Variants in NFASC observed in about 807,000 individuals in gnomAD.
NFASC encodes the protein neurofascin, also known as neurofascin homolog.
In NFASC, 43 loss-of-function variants were observed where a neutral mutation model predicts 147.5. The observed-to-expected ratio is 0.29, with a 90% CI of 0.23 to 0.38. The LOEUF (loss-of-function observed/expected upper bound fraction) is 0.38. Ranked by LOEUF, NFASC falls within the 10% of genes least tolerant of loss-of-function variation. The pLI is 1.00. For synonymous variants in NFASC, 622 were observed against 665.5 expected, an observed-to-expected ratio of 0.93 and a Z score of 1.01; for missense variants, 1,320 against 1,689.0, an observed-to-expected ratio of 0.78 and a Z score of 3.83.
intron 1 of NFASC, among the ~76,000 whole-genome samples, chr1:204,903,644 C>A (rs1438031752): frequency 6.6e-6 from 1 of 152,208 alleles, no homozygotes; most frequent in Non-Finnish European, 1.5e-5. Flanking sequence ...CTGTGACTTA[C>A]CTGCTCCAGC....
At chr1:204,961,661 G>A (rs1043283590) in intron 8 of NFASC, among the ~76,000 whole-genome samples, 3 of 152,194 alleles carry the variant, frequency 2.0e-5, no homozygotes, top group Admixed American at 6.5e-5. Context: ...GCTCTTCCCC[G>A]GAGCTCACTA....
chr1:204,866,292 C>T (rs1326205955), intron 1 of NFASC, among the ~76,000 whole-genome samples: 1 of 152,104 alleles, frequency 6.6e-6, no homozygotes, highest in Non-Finnish European at 1.5e-5. Context: ...GTAGTGGGGG[C>T]AGAGAGGATG....
intron 1 of NFASC, among the ~76,000 whole-genome samples, chr1:204,886,440 A>G (rs938290453): frequency 2.0e-5 from 3 of 152,306 alleles, no homozygotes; most frequent in South Asian, 4.1e-4. Context: ...TTCCATAAAA[A>G]TGTGGCTTAC....
At chr1:204,874,807 G>A (rs1036235674) in intron 1 of NFASC, among the ~76,000 whole-genome samples, 5 of 152,128 alleles carry the variant, frequency 3.3e-5, no homozygotes, top group African/African-American at 4.8e-5. Flanking sequence ...TAATCACTTC[G>A]GAAAAGGAGA....
intron 29 of NFASC, among the ~76,000 whole-genome samples, chr1:205,014,494 T>C (rs1391744385): frequency 6.6e-6 from 1 of 152,184 alleles, no homozygotes; most frequent in Non-Finnish European, 1.5e-5. Context: ...CCGACCACCT[T>C]TCCCATGGGG....
chr1:204,988,467 T>C (rs536237341), intron 22 of NFASC, among the ~76,000 whole-genome samples, 166 bp from the exon 23 acceptor site: 4 of 152,382 alleles, frequency 2.6e-5, no homozygotes, highest in African/African-American at 7.2e-5. Context: ...GAGGGAGTTC[T>C]TGCCGAGTGT....
intron 24 of NFASC, chr1:204,993,821 C>T (rs768576904): frequency 1.2e-5 from 6 of 515,708 alleles, no homozygotes; most frequent in Admixed American, 2.0e-5. Context: ...TTCTCAGCTT[C>T]GTTGCTCTTC....
At chr1:204,862,689 CT>C (rs2076770974) in intron 1 of NFASC, among the ~76,000 whole-genome samples, 1 of 152,102 alleles carries the variant, frequency 6.6e-6, no homozygotes, top group Non-Finnish European at 1.5e-5. Context: ...AGCATCTCAT[CT>C]TCATAAGGGT....
At chr1:204,977,053 G>C in intron 16 of NFASC, 2 of 1,253,860 alleles carry the variant, frequency 1.6e-6, no homozygotes, top group Non-Finnish European at 1.0e-6. Context: ...GTGATATAGA[G>C]AAAGTGGAGA....
intron 11 of NFASC, 116 bp from the exon 12 acceptor site, chr1:204,973,160 C>T (rs1338979231): frequency 3.8e-6 from 4 of 1,059,908 alleles, no homozygotes; most frequent in Non-Finnish European, 4.2e-6. Context: ...TCTGGCCCCC[C>T]ATCTGGTGCT....
At chr1:204,877,031 ATATATTTATATATATATAATATATTTAT>A (rs1558549121) in intron 1 of NFASC, among the ~76,000 whole-genome samples, 11 of 92,954 alleles carry the variant, frequency 1.2e-4, no homozygotes, top group African/African-American at 6.0e-4. Flanking sequence ...TATATATAAT[ATATATTTATATATATATAATATATTTAT>A]TTATATATTT....
chr1:204,880,783 A>G (rs2080041757), intron 1 of NFASC, among the ~76,000 whole-genome samples: 1 of 152,158 alleles, frequency 6.6e-6, no homozygotes, highest in Non-Finnish European at 1.5e-5. Flanking sequence ...CTGAGTTCCC[A>G]GGTGTTTCAA....
chr1:204,863,578 A>G (rs1399923454), intron 1 of NFASC, among the ~76,000 whole-genome samples: 1 of 152,158 alleles, frequency 6.6e-6, no homozygotes, highest in Non-Finnish European at 1.5e-5. Context: ...AGCCAGGCGC[A>G]GTGGCTCAGG....
rs918015848 is a variant in NFASC at position 204,954,774 on chromosome 1, T to C, written c.413-55T>C. ...CATGCCTGCCTCTGACCCTGCTCCT[T>C]GCCCCGGGCCCAGCCATCACCCTCA... On this transcript the variant is annotated intron_variant, in intron 6 of 29. Coordinates refer to ENST00000339876, the MANE Select transcript of NFASC (RefSeq NM_001005388.3). This position sits in a 1 kb window ranked among gnomAD's most constrained non-coding sequence, Gnocchi z 5.7. The C allele has an allele frequency of 3.1e-6, 5 of 1,601,198 alleles. No homozygotes were observed. In the African/African-American group the frequency reaches 6.7e-5, roughly 21 times the overall value.
At chr1:204,920,314 G>A (rs1181012942) in intron 1 of NFASC, among the ~76,000 whole-genome samples, 2 of 152,116 alleles carry the variant, frequency 1.3e-5, no homozygotes, top group African/African-American at 4.8e-5. Context: ...GATTCTTCGA[G>A]GTATGGCTGA....
intron 28 of NFASC, among the ~76,000 whole-genome samples, chr1:205,012,197 G>A (rs556894495): frequency 3.3e-5 from 5 of 152,358 alleles, no homozygotes; most frequent in African/African-American, 1.2e-4. Context: ...ACAGAACAAG[G>A]CAGAGCCTCG....
In NFASC at chr1:205,016,500, G is replaced by A. The variant is rs770703769; in HGVS notation, c.3684G>A (p.Glu1228=). 1.2e-6 allele frequency: 2 copies of A among 1,614,120 alleles called. No homozygotes were observed. Among genetic ancestry groups the A allele is most frequent in the South Asian group, 1.1e-5 (1 of 91,078 alleles). The change falls in exon 30 of 30, where the codon GAG becomes GAA. Residue 1228 remains glutamate (E), a synonymous_variant. Coordinates refer to ENST00000339876, the MANE Select transcript of NFASC (RefSeq NM_001005388.3). This position sits in a 1 kb window ranked among gnomAD's most constrained non-coding sequence, Gnocchi z 5.1. ...KEETEGNESS[E]ATSPVNAIYS... The stretch of plus-strand genomic sequence containing the variant: ...AAACAGAGGGCAACGAAAGCTCAGA[G>A]GCCACGTCACCTGTCAATGCTATCT...
intron 24 of NFASC, among the ~76,000 whole-genome samples, chr1:204,994,075 G>T (rs572202647): frequency 5.6e-4 from 85 of 152,222 alleles, no homozygotes; most frequent in African/African-American, 2.0e-3. Flanking sequence ...CTAATGAGTG[G>T]GTCGGAGATG....
Position 204,987,134 on chromosome 1 carries a change from G to A in NFASC, c.2471-284G>A, listed in dbSNP as rs1430521188. ...TTTGCAGAATCAGAGCCTAACATGT[G>A]CTGAATCCAGAGTAGTTGCTAGAAG... On this transcript the variant is annotated intron_variant, in intron 21 of 29. Coordinates refer to ENST00000339876, the MANE Select transcript of NFASC (RefSeq NM_001005388.3). This position sits in a 1 kb window ranked among gnomAD's most constrained non-coding sequence, Gnocchi z 4.4. 3 of 474,592 alleles carry A rather than the reference G, an allele frequency of 6.3e-6. No homozygotes were observed. The highest frequency in any genetic ancestry group is 1.1e-5 in the Non-Finnish European group (3 of 264,252). The allele number at this position is 474,592 out of a possible 1,614,324, so 29.4% of individuals were successfully genotyped here.
Sources: allele counts gnomAD v4.1 joint callset (sites outside exome capture counted in the v4.1 genomes callset), GRCh38; gene constraint gnomAD v4.1.1; non-coding constraint Gnocchi (gnomAD v3.1); transcripts MANE v1.5; gene names NCBI Gene and HGNC (gene_info 2026-07-23, HGNC 2026-07-21).